The following TMEM178B variants were observed in gnomAD, a reference collection of about 807,000 sequenced individuals.
TMEM178B encodes the protein transmembrane protein 178B.
A neutral mutation model predicts 31.0 loss-of-function variants in TMEM178B; 5 were observed. That is an observed-to-expected ratio of 0.16 (90% CI 0.08 to 0.34). The LOEUF (loss-of-function observed/expected upper bound fraction) is 0.34. Ranked by LOEUF, TMEM178B falls within the 10% of genes least tolerant of loss-of-function variation. The pLI is 1.00. For synonymous variants in TMEM178B, 164 were observed against 164.0 expected (o/e 1.00, Z 0.00); for missense variants, 275 against 400.3 (o/e 0.69, Z 2.67).
chr7:141,126,057 G>T (rs1397474950), intron 1 of TMEM178B, among the ~76,000 whole-genome samples: 1 of 152,214 alleles, frequency 6.6e-6, no homozygotes, highest in Non-Finnish European at 1.5e-5. Context: ...AAGGGAGCAA[G>T]ACAGTTACCA....
chr7:141,384,499 C>T (rs554393089), intron 2 of TMEM178B, among the ~76,000 whole-genome samples: 214 of 152,226 alleles, frequency 1.4e-3, no homozygotes, highest in Middle Eastern at 3.4e-3. Context: ...TTGTTTTTGT[C>T]AGGTTTGTCA....
Position 141,437,732 on chromosome 7 carries a change from C to G in TMEM178B, c.621C>G (p.Leu207=). The change falls in exon 3 of 4, where the codon CTC becomes CTG. Residue 207 remains leucine, a synonymous_variant. Transcript: ENST00000565468. The part of the protein sequence containing the change: ...RGLMQYVAGL[L]FLMGGTFCII... Reference sequence around the variant, plus strand: ...TTATGCAGTACGTGGCAGGGCTGCTCTTCCTCATGGGAGGTAAGGCTACGG... The same window carrying G: ...TTATGCAGTACGTGGCAGGGCTGCTGTTCCTCATGGGAGGTAAGGCTACGG... 6.5e-7 allele frequency: 1 copy of G among 1,536,224 alleles called. No individual in the cohort carries two copies. Among genetic ancestry groups the G allele is most frequent in the Non-Finnish European group, 8.7e-7 (1 of 1,146,900 alleles).
the TMEM178B span, among the ~76,000 whole-genome samples, chr7:141,489,592 T>G: frequency 6.6e-6 from 1 of 152,072 alleles, no homozygotes; most frequent in Non-Finnish European, 1.5e-5. Flanking sequence ...CCTTCATGTG[T>G]GTCTCTCTCT....
intron 2 of TMEM178B, among the ~76,000 whole-genome samples, chr7:141,301,676 C>T (rs1798728864): frequency 6.6e-6 from 1 of 152,218 alleles, no homozygotes; most frequent in Non-Finnish European, 1.5e-5. Flanking sequence ...TCAGGAACAA[C>T]TCCACTCCTT....
In TMEM178B at chr7:141,461,892, G is replaced by A. The variant is rs1802065570; in HGVS notation, c.635-8644G>A. ...GGTACTAGGAAAGAGCCAATATTGA[G>A]TTGGCTGACTAATTCTTTGTTCCCT... is the stretch of plus-strand genomic sequence containing the variant. On this transcript the variant is annotated intron_variant, in intron 3 of 3. Coordinates refer to ENST00000565468, the MANE Select transcript of TMEM178B (RefSeq NM_001195278.2). The surrounding 1 kb of genome is among the most constrained non-coding windows in gnomAD (Gnocchi z 4.0). 6.6e-6 allele frequency among the ~76,000 whole-genome samples: 1 copy of A among 152,226 alleles called. No individual in the cohort carries two copies.
intron 2 of TMEM178B, among the ~76,000 whole-genome samples, chr7:141,215,823 TTTCTTTCTTTC>T (rs1461490429): frequency 0.085 from 6,211 of 72,694 alleles, 229 homozygotes; most frequent in South Asian, 0.16. Context: ...TCTTTCTTTC[TTTCTTTCTTTC>T]TTTCTTTTCT....
chr7:141,215,810 CT>C (rs1797127606), intron 2 of TMEM178B, among the ~76,000 whole-genome samples: 1 of 94,632 alleles, frequency 1.1e-5, no homozygotes, highest in South Asian at 4.2e-4. Context: ...TTCTTTCTTT[CT>C]TTCTTTCTTT....
intron 2 of TMEM178B, among the ~76,000 whole-genome samples, chr7:141,405,354 G>A (rs1397573823): frequency 6.6e-6 from 1 of 152,254 alleles, no homozygotes; most frequent in African/African-American, 2.4e-5. Context: ...TGGGCCAGAG[G>A]AGGGGACCTC....
At chr7:141,361,098 C>T (rs1799910519) in intron 2 of TMEM178B, among the ~76,000 whole-genome samples, 1 of 152,134 alleles carries the variant, frequency 6.6e-6, no homozygotes, top group African/African-American at 2.4e-5. Context: ...TGTACATTTT[C>T]CAGGACTGTG....
At chr7:141,083,482 G>C (rs78902766) in intron 1 of TMEM178B, among the ~76,000 whole-genome samples, 1 of 134,000 alleles carries the variant, frequency 7.5e-6, no homozygotes, top group Admixed American at 8.8e-5. Flanking sequence ...AGAGAAAGAG[G>C]AAGGGAGGGA....
rs752177170 is a variant in TMEM178B at position 141,108,059 on chromosome 7, G to A, written c.382+33367G>A. On this transcript the variant is annotated intron_variant, in intron 1 of 3. Coordinates refer to ENST00000565468, the MANE Select transcript of TMEM178B (RefSeq NM_001195278.2). Reference sequence around the variant, plus strand: ...GACTGAGATTTGACCATTGCATTTGGCAATTTAGAGGTTATTGGTAGTATT... The same window carrying A: ...GACTGAGATTTGACCATTGCATTTGACAATTTAGAGGTTATTGGTAGTATT... Among the ~76,000 whole-genome samples, 13 of 152,268 alleles carry A rather than the reference G, an allele frequency of 8.5e-5. No individual in the cohort carries two copies. The South Asian group carries it at 1.2e-3, about 15-fold the overall frequency.
chr7:141,398,120 A>G (rs959737412), intron 2 of TMEM178B, among the ~76,000 whole-genome samples: 2 of 152,160 alleles, frequency 1.3e-5, no homozygotes, highest in African/African-American at 4.8e-5. Context: ...TCAACTTTCT[A>G]GTGCATGGGG....
chr7:141,486,035 G>A, the TMEM178B span, among the ~76,000 whole-genome samples: 10,712 of 152,284 alleles, frequency 0.07, 585 homozygotes, highest in Non-Finnish European at 0.1. Flanking sequence ...AGAGAATGTG[G>A]TGGTGCATAT....
In TMEM178B at chr7:141,369,285, ATC is replaced by A. The variant is rs558218466; in HGVS notation, c.497-68317_497-68316del. ...CTCATTATTATTCTTTTCCAGTCTC[ATC>A]TCTCTTTCTCTCTGTCTCTCCGCGC... On this transcript the variant is annotated intron_variant, in intron 2 of 3. Coordinates refer to ENST00000565468, the MANE Select transcript of TMEM178B (RefSeq NM_001195278.2). Among the ~76,000 whole-genome samples the A allele has an allele frequency of 1.4e-3, 201 of 147,916 alleles. 3 individuals carry two copies. The South Asian group carries it at 0.039, about 29-fold the overall frequency.
At chr7:141,456,704 C>G (rs1801970145) in intron 3 of TMEM178B, among the ~76,000 whole-genome samples, 1 of 152,202 alleles carries the variant, frequency 6.6e-6, no homozygotes, top group African/African-American at 2.4e-5. Flanking sequence ...TAAGGTTTCC[C>G]TCTGCCCTAC....
chr7:141,297,926 C>T (rs1215289000), intron 2 of TMEM178B, among the ~76,000 whole-genome samples: 4 of 152,180 alleles, frequency 2.6e-5, no homozygotes, highest in African/African-American at 4.8e-5. Flanking sequence ...CTTGAGGAAT[C>T]GCCACACTGT....
chr7:141,382,138 T>C (rs1586924066), intron 2 of TMEM178B, among the ~76,000 whole-genome samples: 1 of 152,198 alleles, frequency 6.6e-6, no homozygotes, highest in East Asian at 1.9e-4. Flanking sequence ...TATCATCTGT[T>C]CTCCATATAG....
intron 3 of TMEM178B, among the ~76,000 whole-genome samples, chr7:141,453,722 C>G (rs1028645478): frequency 1.3e-5 from 2 of 152,214 alleles, no homozygotes; most frequent in African/African-American, 4.8e-5. Flanking sequence ...CTCATTGCCC[C>G]TCGAAGGGCT....
chr7:141,220,346 AT>A (rs776474979), intron 2 of TMEM178B, among the ~76,000 whole-genome samples: 5 of 127,446 alleles, frequency 3.9e-5, no homozygotes, highest in Admixed American at 8.2e-5. Context: ...AATAATAATA[AT>A]AATAATAATA....
Sources: gnomAD v4.1 joint callset for allele counts (sites outside exome capture counted in the v4.1 genomes callset) on GRCh38, gnomAD v4.1.1 for gene constraint, Gnocchi (gnomAD v3.1) non-coding constraint, MANE v1.5 for transcripts, NCBI Gene and HGNC (gene_info 2026-07-23, HGNC 2026-07-21) for gene names.